The following CCDC12 variants were observed in gnomAD, a reference collection of about 807,000 sequenced individuals.
The protein encoded by CCDC12 is coiled-coil domain containing 12, also known as coiled-coil domain-containing protein 12.
Under a neutral mutation model 25.7 loss-of-function variants are expected in CCDC12, and 28 were observed. The observed-to-expected ratio is 1.09, with a 90% confidence interval of 0.81 to 1.50. CCDC12 has a LOEUF of 1.50. Ranked by LOEUF, CCDC12 falls within the 40% of genes most tolerant of loss-of-function variation. The pLI is 0.00. For missense variants in CCDC12, 198 were observed against 210.0 expected, an observed-to-expected ratio of 0.94 and a Z score of 0.35; for synonymous variants, 75 against 87.7, an observed-to-expected ratio of 0.86 and a Z score of 0.81.
intron 2 of CCDC12, 112 bp from the exon 3 acceptor site, chr3:46,925,647 C>G: frequency 1.1e-6 from 1 of 901,214 alleles, no homozygotes; most frequent in Admixed American, 2.8e-5. Context: ...TCTGCACTCT[C>G]TGGAGATAGC....
At chr3:46,936,735 T>C (rs2033456758) in intron 2 of CCDC12, among the ~76,000 whole-genome samples, 1 of 151,948 alleles carries the variant, frequency 6.6e-6, no homozygotes, top group Admixed American at 6.6e-5. Context: ...AAAAAAAAAA[T>C]TTAAAGCATG....
intron 3 of CCDC12, chr3:46,924,265 A>G (rs1343372090): frequency 6.6e-6 from 1 of 152,412 alleles, no homozygotes; most frequent in Non-Finnish European, 1.5e-5. Context: ...CAGTGGGCCC[A>G]TGAGTGCCCT....
rs1328099662 is a variant in CCDC12, at chr3:46,951,827, A to ATATATATAT, written c.97-10763_97-10762insATATATATA. Among the ~76,000 whole-genome samples the ATATATATAT allele has an allele frequency of 8.5e-5, 9 of 105,770 alleles. 1 individual carries two copies. Among genetic ancestry groups the ATATATATAT allele is most frequent in the African/African-American group, 1.4e-4 (4 of 28,736 alleles). The allele number at this position is 105,770 out of a possible 152,430, so 69.4% of individuals were successfully genotyped here. On this transcript the variant is annotated intron_variant, in intron 1 of 6. Transcript: ENST00000683445. ...TATATATATATATATATATATACTT[A>ATATATATAT]ATGAGGATCAAATTAACAATGATCT...
At chr3:46,941,380 G>C (rs1375855151) in intron 1 of CCDC12, among the ~76,000 whole-genome samples, 1 of 152,116 alleles carries the variant, frequency 6.6e-6, no homozygotes, top group African/African-American at 2.4e-5. Flanking sequence ...GGCTAACACG[G>C]CGAAACCCCA....
intron 2 of CCDC12, among the ~76,000 whole-genome samples, chr3:46,938,518 G>GTTTTTTTTTT (rs66474878): frequency 1.1e-5 from 1 of 91,380 alleles, no homozygotes; most frequent in Non-Finnish European, 2.0e-5. Context: ...TTCCCCTCCT[G>GTTTTTTTTTT]TTTTTTTTTT....
intron 1 of CCDC12, among the ~76,000 whole-genome samples, chr3:46,951,776 T>A (rs1452716439): frequency 7.0e-4 from 3 of 4,290 alleles, no homozygotes; most frequent in East Asian, 0.045. Flanking sequence ...CGAGACTCCG[T>A]CTCAAAAAAA....
At chr3:46,959,144 T>C (rs1312922082) in intron 1 of CCDC12, among the ~76,000 whole-genome samples, 1 of 152,190 alleles carries the variant, frequency 6.6e-6, no homozygotes, top group East Asian at 1.9e-4. Flanking sequence ...GGCACATTTT[T>C]TTGTGGGGGG....
upstream of CCDC12, chr3:46,979,819 C>T (rs1443954744): frequency 7.3e-6 from 3 of 408,852 alleles, no homozygotes; most frequent in Non-Finnish European, 1.3e-5. Flanking sequence ...GCGGAGGAGG[C>T]GGCGACAGGT....
At chr3:46,934,226 C>T (rs1280112711) in intron 2 of CCDC12, among the ~76,000 whole-genome samples, 1 of 152,244 alleles carries the variant, frequency 6.6e-6, no homozygotes, top group East Asian at 1.9e-4. Flanking sequence ...CAGGGGCCTG[C>T]ATAGCCCACT....
intron 1 of CCDC12, among the ~76,000 whole-genome samples, chr3:46,961,064 G>A (rs2034448591): frequency 6.6e-6 from 1 of 151,800 alleles, no homozygotes; most frequent in South Asian, 2.1e-4. Context: ...TAGGGCCTGG[G>A]GTGTGTGGTG....
intron 1 of CCDC12, among the ~76,000 whole-genome samples, chr3:46,950,420 T>G (rs1256316053): frequency 6.6e-6 from 1 of 151,266 alleles, no homozygotes; most frequent in African/African-American, 2.4e-5. Context: ...CAAGTAAACC[T>G]CCCACCTCAG....
At chr3:46,923,394 G>C in intron 4 of CCDC12, 31 bp from the exon 5 acceptor site, 1 of 1,533,490 alleles carries the variant, frequency 6.5e-7, no homozygotes, top group Non-Finnish European at 8.8e-7. Flanking sequence ...CATCAGGGTG[G>C]AGGGGCCACC....
At chr3:46,974,496 C>T (rs977860896) in intron 1 of CCDC12, among the ~76,000 whole-genome samples, 1 of 152,178 alleles carries the variant, frequency 6.6e-6, no homozygotes, top group African/African-American at 2.4e-5. Flanking sequence ...TAAATCCAAG[C>T]GAACAGCTCA....
At chr3:46,923,062 G>T in intron 5 of CCDC12, 1 of 360,416 alleles carries the variant, frequency 2.8e-6, no homozygotes, top group African/African-American at 2.1e-5. Flanking sequence ...TGGGAGCTCT[G>T]GAGCAGATGG....
At chr3:46,944,938 G>T (rs1242438354) in intron 1 of CCDC12, among the ~76,000 whole-genome samples, 1 of 152,128 alleles carries the variant, frequency 6.6e-6, no homozygotes, top group Non-Finnish European at 1.5e-5. Flanking sequence ...CCCACATTTT[G>T]TCTCAAATCC....
Position 46,922,920 on chromosome 3 carries a change from C to T in CCDC12, c.341+409G>A, listed in dbSNP as rs569149364. ...TCTCTCAGCCTAGCAAGAAGGATGACGACCTCCATTTCACAGAGGAGGAAA... is the reference window on the plus strand; with the variant it reads ...TCTCTCAGCCTAGCAAGAAGGATGATGACCTCCATTTCACAGAGGAGGAAA... On this transcript the variant is annotated intron_variant, in intron 5 of 6. Transcript: ENST00000683445. 69 of 179,176 alleles carry T rather than the reference C, an allele frequency of 3.9e-4. 1 individual carries two copies. In the South Asian group the frequency reaches 0.012, roughly 31 times the overall value. The allele number at this position is 179,176 out of a possible 1,614,324, so 11.1% of individuals were successfully genotyped here.
At chr3:46,941,094 T>C (rs1403258063) in intron 1 of CCDC12, 29 bp from the exon 2 acceptor site, 2 of 1,611,328 alleles carry the variant, frequency 1.2e-6, no homozygotes, top group South Asian at 1.1e-5. Context: ...AACCACCAGC[T>C]CAGTTGAAAG....
intron 2 of CCDC12, among the ~76,000 whole-genome samples, chr3:46,931,848 C>T (rs1347731520): frequency 6.6e-6 from 1 of 152,206 alleles, no homozygotes; most frequent in Non-Finnish European, 1.5e-5. Context: ...CAACTTTGAT[C>T]AAAGAACACT....
At chr3:46,970,416 T>C (rs925757880) in intron 1 of CCDC12, among the ~76,000 whole-genome samples, 46 of 152,200 alleles carry the variant, frequency 3.0e-4, no homozygotes, top group African/African-American at 1.1e-3. Context: ...CATGAGCCAC[T>C]GTGCCTGGCC....
Sources: allele counts gnomAD v4.1 joint callset (sites outside exome capture counted in the v4.1 genomes callset), GRCh38; gene constraint gnomAD v4.1.1; transcripts MANE v1.5; gene names NCBI Gene and HGNC (gene_info 2026-07-23, HGNC 2026-07-21).